Variants in IFT140 observed in about 807,000 individuals in gnomAD.
IFT140 encodes the protein intraflagellar transport protein 140 homolog.
In IFT140, 133 loss-of-function variants were observed where a neutral mutation model predicts 164.6. That is an observed-to-expected ratio of 0.81 (90% CI 0.70 to 0.93). The LOEUF is 0.93. Ranked by LOEUF, IFT140 falls within the 40% of genes least tolerant of loss-of-function variation. The probability of loss-of-function intolerance (pLI) is 0.00; values close to 1 mark genes in which losing one functional copy is unlikely to be tolerated. For synonymous variants in IFT140, 860 were observed against 817.3 expected (o/e 1.05, Z -0.89); for missense variants, 2,045 against 1,972.3 (o/e 1.04, Z -0.70).
intron 19 of IFT140, among the ~76,000 whole-genome samples, chr16:1,528,372 C>CATGCACGCACGTGTGCACACACACGG (rs1567333793): frequency 6.7e-5 from 8 of 120,092 alleles, no homozygotes; most frequent in African/African-American, 2.0e-4. Flanking sequence ...CACACACACG[C>CATGCACGCACGTGTGCACACACACGG]ATGCACGCAC....
At chr16:1,511,970 G>A (rs997114323) in intron 30 of IFT140, among the ~76,000 whole-genome samples, 3 of 151,628 alleles carry the variant, frequency 2.0e-5, no homozygotes, top group Non-Finnish European at 4.4e-5. Flanking sequence ...GACCAGGGTC[G>A]AAGAGGGACC....
chr16:1,574,960 T>C (rs1362151049), intron 13 of IFT140, among the ~76,000 whole-genome samples: 1 of 152,172 alleles, frequency 6.6e-6, no homozygotes, highest in East Asian at 1.9e-4. Context: ...GATAGTGACC[T>C]GGAAGGACAT....
In IFT140 at chr16:1,561,883, C is replaced by G. The variant is rs572145824; in HGVS notation, c.2199+102G>C. On this transcript the variant is annotated intron_variant, in intron 18 of 30. Coordinates refer to ENST00000426508, the MANE Select transcript of IFT140 (RefSeq NM_014714.4). ...CGGAGAGGGAAGCCCGGCAGAGCCACGAGGGCTAACTCACATTTCAGCTCC... is the reference window on the plus strand; with the variant it reads ...CGGAGAGGGAAGCCCGGCAGAGCCAGGAGGGCTAACTCACATTTCAGCTCC... 1.1e-5 allele frequency: 13 copies of G among 1,229,076 alleles called. No homozygotes were observed. The African/African-American group carries it at 1.4e-4, about 13-fold the overall frequency. 76.1% of individuals were successfully genotyped at this position (1,229,076 alleles called of 1,614,324 possible).
intron 12 of IFT140, 92 bp downstream of exon 12, chr16:1,583,222 C>A: frequency 9.0e-7 from 1 of 1,116,326 alleles, no homozygotes; most frequent in Non-Finnish European, 1.4e-6. Context: ...CCTGTGCCAG[C>A]CCTCAACTGC....
rs371077545 is a variant in IFT140, at chr16:1,602,410, C to A, written c.329G>T (p.Arg110Leu). The change falls in exon 4 of 31, where the codon CGT becomes CTT. Residue 110 changes from arginine to leucine, a missense_variant. Arg to Leu is a moderately radical substitution (Grantham distance 102, BLOSUM62 -2). Transcript: ENST00000426508. ...CAGGCAGTTTCCACTGGGGCTCCAACGGAGCACGGTGATGTCGGCTGTGTG... is the reference window on the plus strand; with the variant it reads ...CAGGCAGTTTCCACTGGGGCTCCAAAGGAGCACGGTGATGTCGGCTGTGTG... ...LTHTADITVLRWSPSGNCLLS... is the reference protein window; with the variant it reads ...LTHTADITVLLWSPSGNCLLS... 1 of 1,614,222 alleles carries A rather than the reference C, an allele frequency of 6.2e-7. No homozygotes were observed. Among genetic ancestry groups the A allele is most frequent in the East Asian group, 2.2e-5 (1 of 44,888 alleles).
At chr16:1,572,248 G>C (rs2034059106) in intron 13 of IFT140, among the ~76,000 whole-genome samples, 1 of 152,210 alleles carries the variant, frequency 6.6e-6, no homozygotes, top group African/African-American at 2.4e-5. Flanking sequence ...GAAGACTGCA[G>C]GGTTTTGAGC....
At chr16:1,605,616 G>C (rs977782283) in intron 3 of IFT140, among the ~76,000 whole-genome samples, 6 of 152,028 alleles carry the variant, frequency 3.9e-5, no homozygotes, top group Admixed American at 3.3e-4. Context: ...GTGTTAGCCA[G>C]GATGGTCTTG....
At chr16:1,572,587 A>G (rs1009926796) in intron 13 of IFT140, among the ~76,000 whole-genome samples, 1 of 152,226 alleles carries the variant, frequency 6.6e-6, no homozygotes, top group African/African-American at 2.4e-5. Flanking sequence ...TGGAGCTTGC[A>G]GTGAGCCGAG....
intron 19 of IFT140, among the ~76,000 whole-genome samples, chr16:1,548,639 A>G (rs1282637910): frequency 6.6e-6 from 1 of 152,114 alleles, no homozygotes; most frequent in Non-Finnish European, 1.5e-5. Flanking sequence ...ATCTTAATAT[A>G]AAGATGGTGG....
At chr16:1,538,447 C>A (rs922563076) in intron 19 of IFT140, among the ~76,000 whole-genome samples, 3 of 152,172 alleles carry the variant, frequency 2.0e-5, no homozygotes, top group Non-Finnish European at 2.9e-5. Flanking sequence ...GCCTGGTGCT[C>A]AAGCCCACCT....
At chr16:1,588,065 G>A (rs1004671519) in intron 7 of IFT140, 41 bp from the exon 8 acceptor site, 1 of 1,569,036 alleles carries the variant, frequency 6.4e-7, no homozygotes, top group Non-Finnish European at 8.7e-7. Flanking sequence ...CGTGCTTGCT[G>A]AGACGGCCTG....
intron 19 of IFT140, chr16:1,541,475 C>A: frequency 2.0e-6 from 2 of 985,348 alleles, no homozygotes; most frequent in Non-Finnish European, 2.4e-6. Context: ...GAGGAGCTGG[C>A]CCCCCGCGGA....
Position 1,557,810 on chromosome 16 carries a change from T to G in IFT140, c.2399+125A>C, listed in dbSNP as rs2033182642. 1.5e-5 allele frequency: 14 copies of G among 930,140 alleles called. No individual in the cohort carries two copies. The East Asian group carries it at 3.4e-4, about 22-fold the overall frequency. The allele number at this position is 930,140 out of a possible 1,614,324, so 57.6% of individuals were successfully genotyped here. On this transcript the variant is annotated intron_variant, in intron 19 of 30. Transcript: ENST00000426508. ...TTCATCGAGTGGGAAGACCATGAAA[T>G]ACACCATGACGCAGTCATGAGGAGT...
chr16:1,538,292 C>G (rs1462968230), intron 19 of IFT140, among the ~76,000 whole-genome samples: 2 of 152,168 alleles, frequency 1.3e-5, no homozygotes, highest in Non-Finnish European at 2.9e-5. Context: ...GTGTGTGGCA[C>G]AGGGCTGTGT....
chr16:1,527,318 C>G (rs937126518), intron 19 of IFT140, among the ~76,000 whole-genome samples: 1 of 152,244 alleles, frequency 6.6e-6, no homozygotes, highest in African/African-American at 2.4e-5. Flanking sequence ...TGGAGACAGG[C>G]CTGTCTCCCC....
chr16:1,595,113 G>C (rs1293987388), intron 4 of IFT140, among the ~76,000 whole-genome samples: 2 of 151,998 alleles, frequency 1.3e-5, no homozygotes, highest in African/African-American at 4.8e-5. Context: ...GTGAAACCCT[G>C]TCTCTACTAA....
chr16:1,541,543 C>A, intron 19 of IFT140: 1 of 980,544 alleles, frequency 1.0e-6, no homozygotes, highest in Non-Finnish European at 1.2e-6. Flanking sequence ...ACAGGGAAGC[C>A]GGTGTTGCTG....
In IFT140 at chr16:1,510,616, C is replaced by A; in HGVS notation, c.*328G>T. 2.5e-6 allele frequency: 1 copy of A among 405,650 alleles called. No homozygotes were observed. 25.1% of individuals were successfully genotyped at this position (405,650 alleles called of 1,614,324 possible). A position where few individuals can be genotyped will look rare whatever the true frequency, so the allele number is the denominator to read the frequency against. On this transcript the variant is annotated 3_prime_UTR_variant, in exon 31 of 31. Coordinates refer to ENST00000426508, the MANE Select transcript of IFT140 (RefSeq NM_014714.4). Reference sequence around the variant, plus strand: ...GGCAGGTGCCCCAGCCCTCCAGCTGCAGCTTCCTGAGGTTCTAGAAGTTTC... The same window carrying A: ...GGCAGGTGCCCCAGCCCTCCAGCTGAAGCTTCCTGAGGTTCTAGAAGTTTC...
intron 30 of IFT140, chr16:1,514,672 G>A (rs748626771): frequency 2.6e-5 from 4 of 152,118 alleles, no homozygotes; most frequent in Non-Finnish European, 5.9e-5. Context: ...CTCTTTGGAG[G>A]AATGTAACAG....
Sources: gnomAD v4.1 joint callset for allele counts (sites outside exome capture counted in the v4.1 genomes callset) on GRCh38, gnomAD v4.1.1 for gene constraint, MANE v1.5 for transcripts, NCBI Gene and HGNC (gene_info 2026-07-23, HGNC 2026-07-21) for gene names.